ANKRD30B: variants seen among roughly 807,000 people sequenced by gnomAD.
The protein encoded by ANKRD30B is ankyrin repeat domain-containing protein 30B.
Under a neutral mutation model 202.2 loss-of-function variants are expected in ANKRD30B, and 144 were observed. The ratio of observed to expected loss-of-function variants is 0.71; its 90% CI spans 0.62 to 0.82. The LOEUF (loss-of-function observed/expected upper bound fraction) is 0.82, where lower values mean the gene tolerates loss of function less well. Among genes scored for constraint, ANKRD30B ranks in the 40% least tolerant of loss-of-function variants. The pLI is 0.00. For missense variants in ANKRD30B, 1,487 were observed against 1,669.1 expected (o/e 0.89, Z 1.90); for synonymous variants, 508 against 561.3 (o/e 0.91, Z 1.34).
Position 14,772,157 on chromosome 18 carries a change from CT to C in ANKRD30B, c.1263del (p.Phe421LeufsTer48). On this transcript the variant is annotated frameshift_variant and splice_region_variant, in exon 9 of 44. Coordinates refer to ENST00000690538, the MANE Select transcript of ANKRD30B (RefSeq NM_001367607.2). LOFTEE classifies it high-confidence loss of function. ...ATGTTGTATCATTTTTCTTTAAAGT[CT>C]TTTTGGCACACGGACTATTGAAAAT... The part of the protein sequence containing the change: ...DVSSVEPIFS[L>X]FGTRTIENSQ... 8 of 1,490,424 alleles carry C rather than the reference CT, an allele frequency of 5.4e-6. No homozygotes were observed. Among genetic ancestry groups the C allele is most frequent in the South Asian group, 1.4e-5 (1 of 72,670 alleles). 92.3% of individuals were successfully genotyped at this position (1,490,424 alleles called of 1,614,324 possible).
At chr18:14,754,831 A>G (rs1914073214) in intron 3 of ANKRD30B, 68 bp from the exon 4 acceptor site, 1 of 1,080,426 alleles carries the variant, frequency 9.3e-7, no homozygotes, top group South Asian at 2.3e-5. Context: ...AGGATATAAT[A>G]TAAGGTATTC....
intron 42 of ANKRD30B, 168 bp downstream of exon 42, chr18:14,852,588 A>G: frequency 1.0e-6 from 1 of 956,582 alleles, no homozygotes; most frequent in Non-Finnish European, 1.4e-6. Context: ...GAAAGCTAAG[A>G]GACGTTTTAC....
At chr18:14,754,694 T>C (rs1013388240) in intron 3 of ANKRD30B, among the ~76,000 whole-genome samples, 1 of 152,138 alleles carries the variant, frequency 6.6e-6, no homozygotes, top group African/African-American at 2.4e-5. Context: ...CCAGAATTAA[T>C]GTGGTGATGC....
chr18:14,866,883 G>C, the ANKRD30B span, among the ~76,000 whole-genome samples: 3 of 151,996 alleles, frequency 2.0e-5, no homozygotes, highest in Non-Finnish European at 4.4e-5. Context: ...CAGGGGGTTA[G>C]GGGAATTAGC....
intron 34 of ANKRD30B, among the ~76,000 whole-genome samples, chr18:14,832,248 A>G (rs1970984112): frequency 1.3e-5 from 2 of 152,168 alleles, no homozygotes; most frequent in Admixed American, 1.3e-4. Context: ...CTTTCTCAGA[A>G]TCTGTATTAT....
Position 14,842,925 on chromosome 18 carries a change from G to C in ANKRD30B, c.3108G>C (p.Glu1036Asp). ...EESPEKPSHF[E>D]PATEMQNSVP... ...CTCCTGAAAAGCCTTCTCACTTTGA[G>C]GTATTGAGTTTTATAATTTTATCTT... Residue 1036 changes from glutamate (E) to aspartate (D), a missense_variant and splice_region_variant, in exon 38 of 44, where the codon GAG becomes GAC. Physicochemically the swap from Glu to Asp is conservative, Grantham distance 45 (BLOSUM62 2). Coordinates refer to ENST00000690538, the MANE Select transcript of ANKRD30B (RefSeq NM_001367607.2). 6.5e-7 allele frequency: 1 copy of C among 1,546,572 alleles called. No homozygotes were observed. The highest frequency in any genetic ancestry group is 8.7e-7 in the Non-Finnish European group (1 of 1,143,450).
At chr18:14,787,014 T>C in intron 14 of ANKRD30B, 25 bp from the exon 15 acceptor site, 1 of 1,594,304 alleles carries the variant, frequency 6.3e-7, no homozygotes, top group Non-Finnish European at 8.6e-7. Context: ...TTCTCATGAA[T>C]ACATCTGTGA....
intron 28 of ANKRD30B, among the ~76,000 whole-genome samples, chr18:14,810,579 T>C (rs1324098717): frequency 6.6e-6 from 1 of 151,182 alleles, no homozygotes; most frequent in East Asian, 1.9e-4. Context: ...GTGTTGTCAT[T>C]CTGAGAATCT....
the ANKRD30B span, among the ~76,000 whole-genome samples, chr18:14,919,502 T>C: frequency 6.6e-6 from 1 of 152,016 alleles, no homozygotes; most frequent in Non-Finnish European, 1.5e-5. Context: ...TGGGAGGAGC[T>C]CCCATGAGGG....
chr18:14,823,630 A>G (rs376809133), intron 32 of ANKRD30B, among the ~76,000 whole-genome samples: 16 of 152,114 alleles, frequency 1.1e-4, no homozygotes, highest in African/African-American at 3.9e-4. Context: ...GCCTAGAGGT[A>G]CAAAACAGCC....
At chr18:14,896,333 G>A in the ANKRD30B span, among the ~76,000 whole-genome samples, 13 of 151,972 alleles carry the variant, frequency 8.6e-5, no homozygotes, top group Non-Finnish European at 1.3e-4. Flanking sequence ...AGGTTTCACC[G>A]TGTTAGCCAG....
chr18:14,837,337 T>G, intron 35 of ANKRD30B, 48 bp downstream of exon 35: 3 of 1,444,528 alleles, frequency 2.1e-6, no homozygotes, highest in Non-Finnish European at 2.8e-6. Context: ...AATGGTAAAT[T>G]AGTGAATATC....
At chr18:14,805,481 C>T (rs1568030711) in intron 24 of ANKRD30B, among the ~76,000 whole-genome samples, 1 of 150,516 alleles carries the variant, frequency 6.6e-6, no homozygotes, top group East Asian at 1.9e-4. Flanking sequence ...ATGTTGGATA[C>T]TATTGTAGCA....
intron 15 of ANKRD30B, among the ~76,000 whole-genome samples, chr18:14,790,696 T>C (rs972004068): frequency 1.5e-4 from 23 of 152,134 alleles, no homozygotes; most frequent in Admixed American, 1.4e-3. Context: ...TTACATTTAT[T>C]GATTTGCGTA....
In ANKRD30B at chr18:14,764,061, A is replaced by G; in HGVS notation, c.1196A>G (p.Lys399Arg). 6.5e-7 allele frequency: 1 copy of G among 1,542,196 alleles called. No individual in the cohort carries two copies. The highest frequency in any genetic ancestry group is 8.7e-7 in the Non-Finnish European group (1 of 1,151,130). Residue 399 changes from lysine to arginine, a missense_variant, in exon 7 of 44, where the codon AAA becomes AGA. Physicochemically the swap from Lys to Arg is conservative, Grantham distance 26. Transcript: ENST00000690538. ...TCTAATATGATTGCATGTCCTACAA[A>G]AGAAACATCTACAAAAGCAAGTACA... is the stretch of plus-strand genomic sequence containing the variant. ...GTSNMIACPT[K>R]ETSTKASTNV... is the part of the protein sequence containing the mutation.
At chr18:14,818,283 G>A (rs1465242362) in intron 30 of ANKRD30B, among the ~76,000 whole-genome samples, 5 of 151,982 alleles carry the variant, frequency 3.3e-5, no homozygotes, top group African/African-American at 9.7e-5. Context: ...TTCTAACATT[G>A]AAATATGCAG....
intron 4 of ANKRD30B, among the ~76,000 whole-genome samples, chr18:14,756,686 G>A (rs550147440): frequency 6.6e-6 from 1 of 152,210 alleles, no homozygotes; most frequent in Non-Finnish European, 1.5e-5. Flanking sequence ...TTGAGGCCAG[G>A]AGTTTGAGAC....
At chr18:14,837,403 A>G in intron 35 of ANKRD30B, 114 bp downstream of exon 35, 1 of 987,692 alleles carries the variant, frequency 1.0e-6, no homozygotes, top group Non-Finnish European at 1.4e-6. Context: ...TTTTTAGCCC[A>G]AAATACAATG....
rs556929393 is a variant in ANKRD30B, at chr18:14,819,733, G to A, written c.2642-2750G>A. Reference sequence around the variant, plus strand: ...TTCCATTGATCTATATCTCTGTTTCGGTACCAGTACCATGCTGTTTTGGTT... The same window carrying A: ...TTCCATTGATCTATATCTCTGTTTCAGTACCAGTACCATGCTGTTTTGGTT... On this transcript the variant is annotated intron_variant, in intron 30 of 43. Coordinates refer to ENST00000690538, the MANE Select transcript of ANKRD30B (RefSeq NM_001367607.2). 5.6e-3 allele frequency among the ~76,000 whole-genome samples: 857 copies of A among 152,100 alleles called. 7 individuals are homozygous for A. The highest frequency in any genetic ancestry group is 0.02 in the African/African-American group (830 of 41,458).
Sources: allele counts gnomAD v4.1 joint callset (sites outside exome capture counted in the v4.1 genomes callset), GRCh38; gene constraint gnomAD v4.1.1; transcripts MANE v1.5; gene names NCBI Gene and HGNC (gene_info 2026-07-23, HGNC 2026-07-21).